FGF13: variants seen among roughly 807,000 people sequenced by gnomAD.
The protein encoded by FGF13 is fibroblast growth factor homologous factor 2.
Under a neutral mutation model 19.5 loss-of-function variants are expected in FGF13, and 2 were observed. That is an observed-to-expected ratio of 0.10 (90% confidence interval 0.04 to 0.32). The LOEUF (loss-of-function observed/expected upper bound fraction) is 0.32. FGF13 is among the 10% of genes least tolerant of loss of function. FGF13 has a pLI of 1.00. For synonymous variants in FGF13, 72 were observed against 76.9 expected (o/e 0.94, Z 0.33); for missense variants, 113 against 192.7 (o/e 0.59, Z 2.45).
At chrX:138,811,460 G>GT (rs1289232463) in intron 3 of FGF13, among the ~76,000 whole-genome samples, 1 of 110,394 alleles carries the variant, frequency 9.1e-6, no homozygotes, top group Non-Finnish European at 1.9e-5. Context: ...TGGGGGGAGT[G>GT]TGGAGGGATA....
chrX:139,175,239 T>C (rs2148265861), intron 1 of FGF13, among the ~76,000 whole-genome samples: 1 of 112,090 alleles, frequency 8.9e-6, no homozygotes, highest in East Asian at 2.8e-4. Flanking sequence ...TTTTTGTACA[T>C]TGATTTTGTA....
chrX:138,876,772 G>GTGTT (rs752603364), intron 1 of FGF13, among the ~76,000 whole-genome samples: 2 of 112,148 alleles, frequency 1.8e-5, no homozygotes, highest in South Asian at 3.7e-4. Flanking sequence ...GAGACTTTGA[G>GTGTT]TGTTAAGTTT....
intron 2 of FGF13, among the ~76,000 whole-genome samples, chrX:138,860,813 T>A (rs930553332): frequency 3.6e-5 from 4 of 112,286 alleles, no homozygotes; most frequent in African/African-American, 1.3e-4. Flanking sequence ...CCCATGAGAA[T>A]AGCTGCCAAA....
intron 1 of FGF13, among the ~76,000 whole-genome samples, chrX:139,087,545 C>A (rs1203611587): frequency 8.9e-6 from 1 of 111,844 alleles, no homozygotes; most frequent in Admixed American, 9.5e-5. Flanking sequence ...AACCCAAAAT[C>A]TTTCGATAAA....
At chrX:139,077,339 T>C (rs2083339268) in intron 1 of FGF13, among the ~76,000 whole-genome samples, 1 of 112,444 alleles carries the variant, frequency 8.9e-6, no homozygotes, top group Non-Finnish European at 1.9e-5. Context: ...AAGACAATTC[T>C]GTTTGGAGAA....
chrX:138,756,835 C>T (rs1006238987), intron 3 of FGF13, among the ~76,000 whole-genome samples: 4 of 111,589 alleles, frequency 3.6e-5, no homozygotes, highest in African/African-American at 1.3e-4. Context: ...ATCCATATTT[C>T]TGGCTCCAGG....
intron 3 of FGF13, among the ~76,000 whole-genome samples, chrX:138,821,912 A>G (rs887214893): frequency 1.8e-5 from 2 of 111,807 alleles, no homozygotes; most frequent in Non-Finnish European, 3.8e-5. Context: ...AGTTTCTTCA[A>G]TATGGGAAGG....
intron 1 of FGF13, among the ~76,000 whole-genome samples, chrX:139,145,527 T>A (rs777979749): frequency 8.2e-5 from 9 of 109,662 alleles, no homozygotes; most frequent in African/African-American, 2.7e-4. Context: ...CTCCCTTTCT[T>A]CCCCCTCTGC....
chrX:139,140,658 A>G (rs982959363), intron 1 of FGF13, among the ~76,000 whole-genome samples: 3 of 111,167 alleles, frequency 2.7e-5, no homozygotes, highest in African/African-American at 9.8e-5. Context: ...CGGAGCATCC[A>G]GGCAGTATGG....
chrX:138,807,865 G>A (rs1411655601), intron 3 of FGF13, among the ~76,000 whole-genome samples: 2 of 111,881 alleles, frequency 1.8e-5, no homozygotes, highest in Non-Finnish European at 3.8e-5. Flanking sequence ...TAATGGTAAA[G>A]GAATCAATTC....
intron 3 of FGF13, among the ~76,000 whole-genome samples, chrX:138,794,068 G>A (rs1240951461): frequency 9.0e-6 from 1 of 111,264 alleles, no homozygotes; most frequent in Admixed American, 9.6e-5. Context: ...AGATGGCTCA[G>A]AACAACAGCC....
intron 3 of FGF13, among the ~76,000 whole-genome samples, chrX:138,748,082 C>T (rs1300430028): frequency 4.5e-5 from 5 of 111,335 alleles, no homozygotes; most frequent in Admixed American, 3.8e-4. Context: ...CAGCATAATC[C>T]CCCTCCTTTG....
intron 1 of FGF13, among the ~76,000 whole-genome samples, chrX:139,036,339 A>G (rs2124399210): frequency 9.0e-6 from 1 of 111,177 alleles, no homozygotes; most frequent in East Asian, 2.9e-4. Context: ...CTTTCTATGG[A>G]GTTTACTGAA....
Position 138,632,968 on chromosome X carries a change from G to A in FGF13, c.620C>T (p.Pro207Leu), listed in dbSNP as rs1323230440. 8.3e-7 allele frequency: 1 copy of A among 1,206,961 alleles called. No individual in the cohort carries two copies. Among genetic ancestry groups the A allele is most frequent in the African/African-American group, 1.8e-5 (1 of 56,771 alleles). The change falls in exon 5 of 5, where the codon CCA (proline) becomes CTA (leucine). Residue 207 changes from proline to leucine, a missense_variant. Physicochemically the swap from Pro to Leu is moderately conservative, Grantham distance 98. Coordinates refer to ENST00000315930, the MANE Select transcript of FGF13 (RefSeq NM_004114.5). ...KPLKVAMYKE[P>L]SLHDLTEFSR... ...GAACTCCGTGAGATCGTGCAGTGATGGCTCCTTGTACATGGCCACTGAAAA... is the reference window on the plus strand; with the variant it reads ...GAACTCCGTGAGATCGTGCAGTGATAGCTCCTTGTACATGGCCACTGAAAA...
intron 3 of FGF13, among the ~76,000 whole-genome samples, chrX:138,810,415 C>T (rs1602893989): frequency 9.0e-6 from 1 of 111,383 alleles, no homozygotes; most frequent in South Asian, 3.8e-4. Flanking sequence ...AACTGGATCC[C>T]TTCCTTACAC....
At chrX:139,140,660 G>A (rs770157757) in intron 1 of FGF13, among the ~76,000 whole-genome samples, 70 of 110,977 alleles carry the variant, frequency 6.3e-4, no homozygotes, top group African/African-American at 2.1e-3. Flanking sequence ...GAGCATCCAG[G>A]CAGTATGGGG....
At chrX:138,658,801 T>C (rs193200908) in intron 3 of FGF13, among the ~76,000 whole-genome samples, 1 of 111,844 alleles carries the variant, frequency 8.9e-6, no homozygotes, top group African/African-American at 3.3e-5. Flanking sequence ...AGTTAAGGGA[T>C]GATAAATATT....
chrX:138,817,602 G>A (rs1455555069), intron 3 of FGF13, among the ~76,000 whole-genome samples: 1 of 111,669 alleles, frequency 9.0e-6, no homozygotes, highest in African/African-American at 3.3e-5. Flanking sequence ...AATATGCAGA[G>A]ATACTGATGG....
intron 3 of FGF13, among the ~76,000 whole-genome samples, chrX:138,833,878 A>G (rs1220139633): frequency 8.9e-6 from 1 of 111,963 alleles, no homozygotes; most frequent in African/African-American, 3.2e-5. Context: ...TCAATGCTGA[A>G]TTTTATTGAA....
Sources: gnomAD v4.1 joint callset for allele counts (sites outside exome capture counted in the v4.1 genomes callset) on GRCh38, gnomAD v4.1.1 for gene constraint, MANE v1.5 for transcripts, NCBI Gene and HGNC (gene_info 2026-07-23, HGNC 2026-07-21) for gene names.